Variants in KCNMA1 observed in about 807,000 individuals in gnomAD.
KCNMA1 encodes potassium calcium-activated channel subfamily M alpha 1.
KCNMA1 carries 29 observed loss-of-function variants against 140.0 expected under a neutral mutation model. The ratio of observed to expected loss-of-function variants is 0.21; its 90% CI spans 0.15 to 0.28. The LOEUF is 0.28. KCNMA1 is among the 10% of genes least tolerant of loss of function. KCNMA1 has a pLI of 1.00. For synonymous variants in KCNMA1, 612 were observed against 611.9 expected (o/e 1.00, Z 0.00); for missense variants, 880 against 1,602.2 (o/e 0.55, Z 7.70).
chr10:77,184,723 G>T, intron 4 of KCNMA1, 100 bp downstream of exon 4: 2 of 825,566 alleles, frequency 2.4e-6, no homozygotes, highest in South Asian at 2.7e-5. Flanking sequence ...GTTTCTCCTG[G>T]AAATATCTTG....
intron 5 of KCNMA1, among the ~76,000 whole-genome samples, chr10:77,130,678 G>C (rs2097842225): frequency 6.6e-6 from 1 of 152,052 alleles, no homozygotes; most frequent in Admixed American, 6.6e-5. Flanking sequence ...ATGTTGAGGG[G>C]GTAGGAAACA....
rs201949763 is a variant in KCNMA1, at chr10:76,921,227, C to A, written c.2903-6178G>T. ...GTTAAACTAGGGAAATAAATTAGGC[C>A]GAGTCATCTAGGTTTGCTGAGACAG... is the stretch of plus-strand genomic sequence containing the variant. On this transcript the variant is annotated intron_variant, in intron 23 of 27. Transcript: ENST00000286628. Among the ~76,000 whole-genome samples, 18 of 151,994 alleles carry A rather than the reference C, an allele frequency of 1.2e-4. No individual in the cohort carries two copies. In the East Asian group the frequency reaches 2.3e-3, roughly 20 times the overall value.
chr10:77,221,377 A>G (rs2049611852), intron 3 of KCNMA1, among the ~76,000 whole-genome samples: 1 of 152,198 alleles, frequency 6.6e-6, no homozygotes, highest in African/African-American at 2.4e-5. Context: ...GATGCGCTTC[A>G]GGGACCCCAT....
At chr10:77,325,792 T>A (rs1191658021) in intron 2 of KCNMA1, among the ~76,000 whole-genome samples, 1 of 152,188 alleles carries the variant, frequency 6.6e-6, no homozygotes, top group African/African-American at 2.4e-5. Flanking sequence ...CTCCACAGTA[T>A]CTGCAGAGTC....
intron 1 of KCNMA1, among the ~76,000 whole-genome samples, chr10:77,592,338 G>A (rs1735924779): frequency 6.6e-6 from 1 of 152,160 alleles, no homozygotes; most frequent in South Asian, 2.1e-4. Context: ...GTGGGACCCT[G>A]GACTGGATCC....
chr10:77,019,098 T>A lies in KCNMA1; in HGVS notation c.1930A>T (p.Ile644Leu). ...EYKSANRESR[I>L]LINPGNHLKI... ...AGATGGTTTCCAGGATTAATTAATA[T>A]ACTGCTCAGTGAACAAAAACAAACA... Residue 644 changes from isoleucine to leucine, a missense_variant and splice_region_variant, in exon 17 of 28, where the codon ATA becomes TTA. By Grantham distance (5) the Ile-to-Leu change is conservative. Transcript: ENST00000286628. The A allele has an allele frequency of 6.6e-7, 1 of 1,509,584 alleles. No homozygotes were observed. The highest frequency in any genetic ancestry group is 9.2e-7 in the Non-Finnish European group (1 of 1,085,228). The allele number at this position is 1,509,584 out of a possible 1,614,324, so 93.5% of individuals were successfully genotyped here. A position where few individuals can be genotyped will look rare whatever the true frequency, so the allele number is the denominator to read the frequency against.
chr10:77,538,129 T>A (rs527847237), intron 1 of KCNMA1, among the ~76,000 whole-genome samples: 2 of 151,086 alleles, frequency 1.3e-5, no homozygotes, highest in South Asian at 4.2e-4. Context: ...CACACCCACA[T>A]ACTCTACATT....
At chr10:77,308,495 C>G (rs1161405598) in intron 2 of KCNMA1, among the ~76,000 whole-genome samples, 1 of 152,204 alleles carries the variant, frequency 6.6e-6, no homozygotes, top group Non-Finnish European at 1.5e-5. Context: ...GAAATGCATT[C>G]CCATTTCATA....
chr10:76,969,963 C>T lies in KCNMA1; in HGVS notation c.2360+11G>A, dbSNP rs199815456. The T allele has an allele frequency of 3.7e-6, 6 of 1,608,494 alleles. No individual in the cohort carries two copies. The highest frequency in any genetic ancestry group is 5.1e-6 in the Non-Finnish European group (6 of 1,175,116). On this transcript the variant is annotated intron_variant, in intron 20 of 27. Coordinates refer to ENST00000286628, the MANE Select transcript of KCNMA1 (RefSeq NM_001161352.2). Reference sequence around the variant, plus strand: ...AGAGGGAAACCGTGGGCAACCAGCCCCTCTCCTTACCTCATCAGCTTAGGC... The same window carrying T: ...AGAGGGAAACCGTGGGCAACCAGCCTCTCTCCTTACCTCATCAGCTTAGGC...
chr10:77,348,304 C>T (rs2092449728), intron 2 of KCNMA1, among the ~76,000 whole-genome samples: 1 of 152,162 alleles, frequency 6.6e-6, no homozygotes, highest in Non-Finnish European at 1.5e-5. Flanking sequence ...GAACAGCCTT[C>T]CATTGGCTGT....
intron 2 of KCNMA1, among the ~76,000 whole-genome samples, chr10:77,280,218 A>G (rs1224362261): frequency 1.3e-5 from 2 of 152,230 alleles, no homozygotes; most frequent in African/African-American, 2.4e-5. Context: ...CAAATTACCA[A>G]TGCAGGGGAA....
intron 2 of KCNMA1, among the ~76,000 whole-genome samples, chr10:77,310,410 A>G (rs1263697902): frequency 6.6e-6 from 1 of 152,140 alleles, no homozygotes; most frequent in Non-Finnish European, 1.5e-5. Flanking sequence ...CACACCACAC[A>G]TCTAACAAGC....
intron 2 of KCNMA1, among the ~76,000 whole-genome samples, chr10:77,362,996 C>T (rs2094102840): frequency 6.6e-6 from 1 of 152,222 alleles, no homozygotes; most frequent in Non-Finnish European, 1.5e-5. Context: ...CGCCGTCTCC[C>T]AATGCGGACA....
chr10:76,955,581 G>A (rs192724155), intron 20 of KCNMA1, among the ~76,000 whole-genome samples: 28 of 152,302 alleles, frequency 1.8e-4, no homozygotes, highest in Non-Finnish European at 2.5e-4. Context: ...ATCCCACTCC[G>A]AGTAGCATCT....
At chr10:76,900,015 T>C (rs2044399563) in intron 25 of KCNMA1, among the ~76,000 whole-genome samples, 1 of 152,136 alleles carries the variant, frequency 6.6e-6, no homozygotes, top group Non-Finnish European at 1.5e-5. Flanking sequence ...GAGTACCCAC[T>C]TTTAAATATT....
rs577772433 is a variant in KCNMA1 at position 77,052,580 on chromosome 10, A to G, written c.1750-12943T>C. Among the ~76,000 whole-genome samples the G allele has an allele frequency of 3.3e-5, 5 of 151,098 alleles. No individual in the cohort carries two copies. In the South Asian group the frequency reaches 8.4e-4, roughly 25 times the overall value. On this transcript the variant is annotated intron_variant, in intron 14 of 27. Coordinates refer to ENST00000286628, the MANE Select transcript of KCNMA1 (RefSeq NM_001161352.2). ...GCCTTGCCTCCACGACTGATTTTGA[A>G]TGGATACCTAGCATATCCTTGGTCC...
At chr10:76,955,043 A>T (rs1051851591) in intron 20 of KCNMA1, among the ~76,000 whole-genome samples, 5 of 152,190 alleles carry the variant, frequency 3.3e-5, no homozygotes, top group African/African-American at 1.2e-4. Flanking sequence ...TCCCAGCTAT[A>T]CTTAACCACT....
At chr10:77,256,441 C>A (rs143070334) in intron 2 of KCNMA1, among the ~76,000 whole-genome samples, 75 of 152,280 alleles carry the variant, frequency 4.9e-4, no homozygotes, top group African/African-American at 1.8e-3. Context: ...CTCTTTTTAA[C>A]AAGCTCCTCC....
At chr10:76,931,946 T>A (rs138919375) in intron 23 of KCNMA1, among the ~76,000 whole-genome samples, 8 of 152,330 alleles carry the variant, frequency 5.3e-5, no homozygotes, top group African/African-American at 1.9e-4. Context: ...AATCCTAACT[T>A]ATGATTTGTT....
Sources: gnomAD v4.1 joint callset for allele counts (sites outside exome capture counted in the v4.1 genomes callset) on GRCh38, gnomAD v4.1.1 for gene constraint, MANE v1.5 for transcripts, NCBI Gene and HGNC (gene_info 2026-07-23, HGNC 2026-07-21) for gene names.